The following HPSE2 variants were observed in gnomAD, a reference collection of about 807,000 sequenced individuals.
The protein encoded by HPSE2 is heparanase 2 (inactive).
In HPSE2, 38 loss-of-function variants were observed where a neutral mutation model predicts 60.5. That is an observed-to-expected ratio of 0.63 (90% confidence interval 0.48 to 0.82). HPSE2 has a LOEUF of 0.82. HPSE2 is among the 40% of genes least tolerant of loss of function. The pLI is 0.00. For synonymous variants in HPSE2, 295 were observed against 293.2 expected (o/e 1.01, Z -0.06); for missense variants, 713 against 740.4 (o/e 0.96, Z 0.43).
chr10:99,270,019 G>A, the HPSE2 span, among the ~76,000 whole-genome samples: 2 of 152,104 alleles, frequency 1.3e-5, no homozygotes, highest in Non-Finnish European at 1.5e-5. Flanking sequence ...AAATGCCTAC[G>A]TGAAAAAGTC....
At chr10:99,227,327 T>C (rs925728301) in intron 2 of HPSE2, among the ~76,000 whole-genome samples, 3 of 151,814 alleles carry the variant, frequency 2.0e-5, no homozygotes, top group African/African-American at 7.3e-5. Context: ...ACACCAGGAA[T>C]TGAAAAATCA....
intron 9 of HPSE2, among the ~76,000 whole-genome samples, chr10:98,520,792 T>C (rs1942764881): frequency 6.6e-6 from 1 of 152,178 alleles, no homozygotes; most frequent in African/African-American, 2.4e-5. Context: ...AAAACAGATG[T>C]ACAGACCAAA....
chr10:99,106,998 G>A (rs1467315957), intron 3 of HPSE2, among the ~76,000 whole-genome samples: 6 of 152,058 alleles, frequency 3.9e-5, no homozygotes, highest in Non-Finnish European at 8.8e-5. Flanking sequence ...AGCCTCCCCA[G>A]TAGTTAGGAC....
At chr10:98,883,261 A>G (rs76370430) in intron 3 of HPSE2, among the ~76,000 whole-genome samples, 1,661 of 152,280 alleles carry the variant, frequency 0.011, 33 homozygotes, top group African/African-American at 0.037. Flanking sequence ...CTTGTATCCA[A>G]GTAAATACCT....
chr10:99,105,071 A>T (rs1035010796), intron 3 of HPSE2, among the ~76,000 whole-genome samples: 2 of 151,830 alleles, frequency 1.3e-5, no homozygotes, highest in Non-Finnish European at 2.9e-5. Flanking sequence ...TAAAAAAAAA[A>T]AAAAAGAAAA....
chr10:99,167,896 TCTCTC>T (rs1323983430), intron 2 of HPSE2, among the ~76,000 whole-genome samples: 1 of 152,160 alleles, frequency 6.6e-6, no homozygotes, highest in Admixed American at 6.5e-5. Context: ...TCTCTCTCTC[TCTCTC>T]ATTTGATTTC....
intron 9 of HPSE2, among the ~76,000 whole-genome samples, chr10:98,523,770 T>C (rs1325884947): frequency 6.6e-6 from 1 of 152,190 alleles, no homozygotes; most frequent in African/African-American, 2.4e-5. Flanking sequence ...TGATTAGGAA[T>C]TAAAGTCTAT....
intron 3 of HPSE2, among the ~76,000 whole-genome samples, chr10:98,753,261 G>A (rs1949800589): frequency 6.6e-6 from 1 of 152,180 alleles, no homozygotes; most frequent in African/African-American, 2.4e-5. Context: ...GACAAGTGCT[G>A]GCGTGGGTAA....
intron 4 of HPSE2, among the ~76,000 whole-genome samples, chr10:98,741,348 A>G (rs754793303): frequency 3.3e-5 from 5 of 152,162 alleles, no homozygotes; most frequent in Admixed American, 1.3e-4. Flanking sequence ...GCACTTTAAA[A>G]GACAATGATG....
intron 3 of HPSE2, among the ~76,000 whole-genome samples, chr10:98,814,066 A>G (rs1041533725): frequency 2.0e-5 from 3 of 152,302 alleles, no homozygotes; most frequent in African/African-American, 7.2e-5. Context: ...GCAAGTAAGT[A>G]GTGGAGCAAG....
chr10:99,294,345 G>A, the HPSE2 span, among the ~76,000 whole-genome samples: 1 of 146,260 alleles, frequency 6.8e-6, no homozygotes, highest in African/African-American at 2.5e-5. Flanking sequence ...TATATTATAT[G>A]TAAATTTTTA....
chr10:98,636,599 C>G (rs1565037073), intron 7 of HPSE2, among the ~76,000 whole-genome samples: 1 of 151,864 alleles, frequency 6.6e-6, no homozygotes, highest in Admixed American at 6.6e-5. Context: ...CATTCTGTAC[C>G]CCATAAGTAT....
chr10:98,847,727 A>G (rs148716089), intron 3 of HPSE2, among the ~76,000 whole-genome samples: 134 of 152,200 alleles, frequency 8.8e-4, no homozygotes, highest in African/African-American at 3.1e-3. Context: ...TATGTGATCT[A>G]CTCTGCAGAC....
At chr10:98,842,103 C>T (rs924672414) in intron 3 of HPSE2, among the ~76,000 whole-genome samples, 12 of 152,132 alleles carry the variant, frequency 7.9e-5, no homozygotes, top group Admixed American at 1.3e-4. Flanking sequence ...CGCACCCGGC[C>T]CAGACACTCA....
chr10:99,202,976 A>C (rs890573380), intron 2 of HPSE2, among the ~76,000 whole-genome samples: 20 of 152,168 alleles, frequency 1.3e-4, no homozygotes, highest in Non-Finnish European at 1.6e-4. Flanking sequence ...TTGGACCCTG[A>C]AACTGGGCCC....
chr10:98,903,395 T>G (rs1485508670), intron 3 of HPSE2, among the ~76,000 whole-genome samples: 1 of 152,056 alleles, frequency 6.6e-6, no homozygotes, highest in Non-Finnish European at 1.5e-5. Flanking sequence ...AATTGTACAC[T>G]TTAAATGGAT....
intron 3 of HPSE2, among the ~76,000 whole-genome samples, chr10:99,042,011 T>C (rs1281480857): frequency 6.6e-6 from 1 of 152,174 alleles, no homozygotes; most frequent in Non-Finnish European, 1.5e-5. Context: ...TTCACATGTA[T>C]AGTTTTTAAT....
At chr10:98,765,053 AAAG>A (rs1363862700) in intron 3 of HPSE2, among the ~76,000 whole-genome samples, 2 of 152,224 alleles carry the variant, frequency 1.3e-5, no homozygotes, top group Non-Finnish European at 2.9e-5. Flanking sequence ...GACATAACTC[AAAG>A]AAGAAACAGC....
intron 3 of HPSE2, among the ~76,000 whole-genome samples, chr10:99,007,998 C>T (rs1194288628): frequency 6.6e-6 from 1 of 152,174 alleles, no homozygotes; most frequent in East Asian, 1.9e-4. Context: ...AGCACTTTGG[C>T]AATTCAACTG....
Sources: gnomAD v4.1 joint callset for allele counts (sites outside exome capture counted in the v4.1 genomes callset) on GRCh38, gnomAD v4.1.1 for gene constraint, MANE v1.5 for transcripts, NCBI Gene and HGNC (gene_info 2026-07-23, HGNC 2026-07-21) for gene names.